SH3GL3: variants seen among roughly 807,000 people sequenced by gnomAD.
The protein encoded by SH3GL3 is SH3 domain containing GRB2 like 3, endophilin A3, also known as endophilin-A3.
In SH3GL3, 33 loss-of-function variants were observed where a neutral mutation model predicts 47.7. That is an observed-to-expected ratio of 0.69 (90% CI 0.52 to 0.92). SH3GL3 has a LOEUF of 0.92. SH3GL3 is among the 40% of genes least tolerant of loss of function. The probability of loss-of-function intolerance (pLI) is 0.00; values close to 1 mark genes in which losing one functional copy is unlikely to be tolerated. For missense variants in SH3GL3, 363 were observed against 417.8 expected, an observed-to-expected ratio of 0.87 and a Z score of 1.14; for synonymous variants, 155 against 148.8, an observed-to-expected ratio of 1.04 and a Z score of -0.30.
chr15:83,584,721 G>A (rs1046478005), intron 6 of SH3GL3, among the ~76,000 whole-genome samples: 4 of 152,176 alleles, frequency 2.6e-5, no homozygotes, highest in African/African-American at 9.7e-5. Flanking sequence ...CGTATATCAC[G>A]TGAACATTTT....
chr15:83,520,926 A>G (rs1010271164), intron 1 of SH3GL3, among the ~76,000 whole-genome samples: 13 of 152,178 alleles, frequency 8.5e-5, no homozygotes, highest in African/African-American at 3.1e-4. Context: ...TATCTTAAAC[A>G]TATGCAATAA....
intron 1 of SH3GL3, among the ~76,000 whole-genome samples, chr15:83,495,275 C>T (rs1190635630): frequency 6.6e-6 from 1 of 152,180 alleles, no homozygotes; most frequent in African/African-American, 2.4e-5. Flanking sequence ...TCAGGGAAAC[C>T]ACTGGAGTCT....
chr15:83,477,930 T>C (rs1223810500), intron 1 of SH3GL3, among the ~76,000 whole-genome samples: 2 of 152,174 alleles, frequency 1.3e-5, no homozygotes, highest in Non-Finnish European at 2.9e-5. Context: ...AAAAGCCCCA[T>C]AGACTTAGGT....
At chr15:83,610,505 G>A (rs550729446) in intron 8 of SH3GL3, among the ~76,000 whole-genome samples, 4 of 152,072 alleles carry the variant, frequency 2.6e-5, no homozygotes, top group Admixed American at 6.6e-5. Flanking sequence ...ACTGCAGCTC[G>A]AGGAACAGAG....
At chr15:83,609,490 A>G (rs1245299341) in intron 8 of SH3GL3, 2 of 356,018 alleles carry the variant, frequency 5.6e-6, no homozygotes, top group African/African-American at 4.3e-5. Flanking sequence ...GGGAGACTCC[A>G]TACCTTGTAC....
intron 8 of SH3GL3, among the ~76,000 whole-genome samples, chr15:83,596,494 A>C (rs887502750): frequency 1.3e-5 from 2 of 152,154 alleles, no homozygotes; most frequent in East Asian, 3.9e-4. Context: ...GATTATAGTT[A>C]TGGATTTGTC....
intron 1 of SH3GL3, among the ~76,000 whole-genome samples, chr15:83,512,078 AG>A (rs11331054): frequency 0.3 from 45,345 of 151,924 alleles, 7,203 homozygotes; most frequent in African/African-American, 0.35. Flanking sequence ...TCAGAAGGTA[AG>A]GGGGGCCTTG....
chr15:83,609,359 GC>G, intron 8 of SH3GL3: 1 of 455,634 alleles, frequency 2.2e-6, no homozygotes, highest in East Asian at 7.0e-5. Context: ...ACAGGTCGCA[GC>G]CAGACTACAA....
chr15:83,595,796 T>C (rs1362447285), intron 8 of SH3GL3, among the ~76,000 whole-genome samples: 1 of 152,218 alleles, frequency 6.6e-6, no homozygotes, highest in Non-Finnish European at 1.5e-5. Flanking sequence ...GTTCATAATA[T>C]TCTGTTATTA....
At chr15:83,461,250 ACT>A (rs1032622864) in intron 1 of SH3GL3, among the ~76,000 whole-genome samples, 1 of 152,128 alleles carries the variant, frequency 6.6e-6, no homozygotes, top group Non-Finnish European at 1.5e-5. Context: ...CATGGAAAAG[ACT>A]CTAATAAGTA....
At chr15:83,537,816 T>A (rs1057140073) in intron 1 of SH3GL3, among the ~76,000 whole-genome samples, 3 of 152,192 alleles carry the variant, frequency 2.0e-5, no homozygotes, top group Non-Finnish European at 4.4e-5. Context: ...TTCTCACCAT[T>A]TATGATCTGT....
At chr15:83,519,169 T>A (rs2043109027) in intron 1 of SH3GL3, among the ~76,000 whole-genome samples, 1 of 152,222 alleles carries the variant, frequency 6.6e-6, no homozygotes, top group Non-Finnish European at 1.5e-5. Context: ...TTAGATTCCA[T>A]ATGAACTTTA....
intron 1 of SH3GL3, among the ~76,000 whole-genome samples, chr15:83,549,868 A>G (rs753271840): frequency 1.2e-4 from 19 of 152,092 alleles, no homozygotes; most frequent in Non-Finnish European, 2.4e-4. Context: ...TTTATGTCCT[A>G]TGTTGCAAGA....
At chr15:83,630,627 A>G in the SH3GL3 span, among the ~76,000 whole-genome samples, 1 of 151,990 alleles carries the variant, frequency 6.6e-6, no homozygotes, top group African/African-American at 2.4e-5. Flanking sequence ...GCAGGGAGAA[A>G]CCCCTTATAA....
chr15:83,543,426 G>A (rs1258820849), intron 1 of SH3GL3, among the ~76,000 whole-genome samples: 1 of 151,820 alleles, frequency 6.6e-6, no homozygotes, highest in Non-Finnish European at 1.5e-5. Context: ...GAGATATATT[G>A]GCCCGTAGTT....
At chr15:83,624,850 G>T in the SH3GL3 span, among the ~76,000 whole-genome samples, 1 of 152,160 alleles carries the variant, frequency 6.6e-6, no homozygotes, top group African/African-American at 2.4e-5. Context: ...CTGGGACCAA[G>T]GAACCCTGGG....
At chr15:83,549,893 A>C (rs906610292) in intron 1 of SH3GL3, among the ~76,000 whole-genome samples, 3 of 152,250 alleles carry the variant, frequency 2.0e-5, no homozygotes, top group Admixed American at 6.5e-5. Flanking sequence ...ACATTTCCTA[A>C]AGAGAACAGT....
intron 1 of SH3GL3, among the ~76,000 whole-genome samples, chr15:83,469,312 A>G (rs2040724720): frequency 1.3e-5 from 2 of 151,794 alleles, no homozygotes; most frequent in African/African-American, 4.8e-5. Context: ...TGTTCTTTTC[A>G]ATTTCGTTGA....
intron 4 of SH3GL3, among the ~76,000 whole-genome samples, chr15:83,571,749 A>G (rs1176752075): frequency 6.6e-6 from 1 of 152,120 alleles, no homozygotes; most frequent in African/African-American, 2.4e-5. Flanking sequence ...ATCTTTTTAC[A>G]AGATCAATTT....
Sources: allele counts gnomAD v4.1 joint callset (sites outside exome capture counted in the v4.1 genomes callset), GRCh38; gene constraint gnomAD v4.1.1; transcripts MANE v1.5; gene names NCBI Gene and HGNC (gene_info 2026-07-23, HGNC 2026-07-21).